TAF11L11: variants seen among roughly 807,000 people sequenced by gnomAD.
The protein encoded by TAF11L11 is TATA-box binding protein associated factor 11 like 11.
At position 17,605,179 on chromosome 5, in the gene TAF11L11, G is replaced by A. The variant is rs187001501; in HGVS notation, c.399G>A (p.Ser133=). The change falls in exon 1 of 1, where the codon TCG becomes TCA. Residue 133 remains serine (S), a synonymous_variant. Coordinates refer to ENST00000510838, the Ensembl canonical transcript of TAF11L11. The stretch of plus-strand genomic sequence containing the variant: ...TGATGCAGTCCATCACTGGCAGATC[G>A]GTGTCTGAGAACACCGCCATTGCCA... 160 of 395,458 alleles carry A rather than the reference G, an allele frequency of 4.0e-4. 5 individuals carry two copies. The highest frequency in any genetic ancestry group is 3.1e-3 in the African/African-American group (149 of 48,354). The allele number at this position is 395,458 out of a possible 1,614,324, so 24.5% of individuals were successfully genotyped here.
exon 1 of TAF11L11, chr5:17,605,343 T>G: frequency 2.5e-6 from 1 of 393,710 alleles, no homozygotes; most frequent in East Asian, 3.6e-5. Context: ...AAGGGCATCC[T>G]CCCCAACAGC....
chr5:17,605,829 C>T (rs1405033242), downstream of TAF11L11, among the ~76,000 whole-genome samples: 2 of 151,332 alleles, frequency 1.3e-5, no homozygotes, highest in South Asian at 2.1e-4. Flanking sequence ...ATTTTCAATG[C>T]TCATATGTAT....
chr5:17,605,034 C>T (rs1274710943), exon 1 of TAF11L11: 3 of 394,188 alleles, frequency 7.6e-6, no homozygotes, highest in South Asian at 1.3e-4. Context: ...AGGAAGCCCA[C>T]CATGGATGCA....
At chr5:17,605,157 T>C (rs1739141015) in exon 1 of TAF11L11, 1 of 395,630 alleles carries the variant, frequency 2.5e-6, no homozygotes. Flanking sequence ...GCAGCTCTGA[T>C]GCAGTCCATC....
exon 1 of TAF11L11, chr5:17,604,855 G>A (rs1202962564): frequency 5.1e-6 from 2 of 390,212 alleles, no homozygotes; most frequent in African/African-American, 2.1e-5. Flanking sequence ...ACAGCAACAA[G>A]GATGGAATCC....
At chr5:17,604,571 C>A (rs1349409460) in exon 1 of TAF11L11, 1 of 281,438 alleles carries the variant, frequency 3.6e-6, no homozygotes, top group African/African-American at 2.2e-5. Context: ...CAAGTTTCTT[C>A]ACATTGTGGA....
At chr5:17,605,817 A>T (rs1739160152), downstream of TAF11L11, among the ~76,000 whole-genome samples, 1 of 151,404 alleles carries the variant, frequency 6.6e-6, no homozygotes, top group Admixed American at 6.6e-5. Flanking sequence ...GTTCTTCTGT[A>T]CATTTTCAAT....
downstream of TAF11L11, among the ~76,000 whole-genome samples, chr5:17,605,752 A>G (rs562678349): frequency 7.0e-4 from 106 of 151,526 alleles, 4 homozygotes; most frequent in South Asian, 0.019. Context: ...CTTAGCTTGT[A>G]TGCTTATATC....
the TAF11L11 span, chr5:17,604,846 C>G: frequency 7.7e-6 from 3 of 389,804 alleles, no homozygotes; most frequent in Admixed American, 4.5e-5. Context: ...GTCTGAAGTA[C>G]AGCAACAAGG....
At chr5:17,605,319 G>A (rs1276986165) in exon 1 of TAF11L11, 4 of 394,032 alleles carry the variant, frequency 1.0e-5, no homozygotes, top group Non-Finnish European at 1.3e-5. Flanking sequence ...GAGGCTGTTC[G>A]CAGGTTAAAG....
downstream of TAF11L11, among the ~76,000 whole-genome samples, chr5:17,605,613 G>A (rs1346829155): frequency 4.0e-5 from 6 of 151,316 alleles, no homozygotes; most frequent in Non-Finnish European, 8.9e-5. Context: ...ATTTTTCTCT[G>A]TCTTTCTAGT....
chr5:17,604,956 A>G (rs986064750), exon 1 of TAF11L11: 7 of 392,610 alleles, frequency 1.8e-5, no homozygotes, highest in African/African-American at 6.2e-5. Context: ...GAAGGTGACA[A>G]TGAAGCGTCA....
chr5:17,604,817 A>T, exon 1 of TAF11L11: 1 of 388,312 alleles, frequency 2.6e-6, no homozygotes, highest in Non-Finnish European at 4.6e-6. Context: ...CTCTGCTGAG[A>T]TGTTCCCCAT....
rs117476475 is a variant in TAF11L11, at chr5:17,604,492, T to G, written c.-289T>G. ...AACTTCTGACCTGTGAGTTGGTGTT[T>G]GTTTTAAATATCCAAAATTGGTGAG... On this transcript the variant is annotated 5_prime_UTR_variant, in exon 1 of 1. Transcript: ENST00000510838. 2.4e-4 allele frequency: 46 copies of G among 188,946 alleles called. 1 individual carries two copies. The East Asian group carries it at 6.0e-3, about 24-fold the overall frequency. 11.7% of individuals were successfully genotyped at this position (188,946 alleles called of 1,614,324 possible).
chr5:17,605,273 G>A (rs575530584), exon 1 of TAF11L11: 10 of 394,910 alleles, frequency 2.5e-5, no homozygotes, highest in Non-Finnish European at 2.7e-5. Context: ...CGAAATGTGG[G>A]GAGAAACGCC....
chr5:17,605,318 C>G (rs1176810352), exon 1 of TAF11L11: 6 of 393,934 alleles, frequency 1.5e-5, no homozygotes, highest in South Asian at 1.3e-4. Flanking sequence ...GGAGGCTGTT[C>G]GCAGGTTAAA....
exon 1 of TAF11L11, chr5:17,605,250 C>A (rs1236284285): frequency 5.8e-5 from 23 of 395,226 alleles, no homozygotes; most frequent in Non-Finnish European, 9.8e-5. Flanking sequence ...GTGGAAGAGG[C>A]CCTGGACGTG....
exon 1 of TAF11L11, chr5:17,605,281 G>A (rs972739804): frequency 3.3e-5 from 13 of 394,446 alleles, no homozygotes; most frequent in African/African-American, 1.7e-4. Flanking sequence ...GGGGAGAAAC[G>A]CCCCCGCTGC....
downstream of TAF11L11, chr5:17,605,485 A>G (rs910284011): frequency 5.2e-6 from 2 of 387,068 alleles, no homozygotes; most frequent in Admixed American, 4.5e-5. Context: ...TCCACCCTGG[A>G]TTTACCCACG....
Sources: allele counts gnomAD v4.1 joint callset (sites outside exome capture counted in the v4.1 genomes callset), GRCh38; gene constraint gnomAD v4.1.1; transcripts MANE v1.5; gene names NCBI Gene and HGNC (gene_info 2026-07-23, HGNC 2026-07-21).